Variants in PCCA observed in about 807,000 individuals in gnomAD.
PCCA encodes the protein propionyl-CoA carboxylase alpha chain, mitochondrial.
In PCCA, 74 loss-of-function variants were observed where a neutral mutation model predicts 101.3. That is an observed-to-expected ratio of 0.73 (90% confidence interval 0.61 to 0.89). PCCA has a LOEUF of 0.89. Among genes scored for constraint, PCCA ranks in the 40% least tolerant of loss-of-function variants. The probability of loss-of-function intolerance (pLI) is 0.00; values close to 1 mark genes in which losing one functional copy is unlikely to be tolerated. For synonymous variants in PCCA, 294 were observed against 313.6 expected, an observed-to-expected ratio of 0.94 and a Z score of 0.66; for missense variants, 891 against 907.0, an observed-to-expected ratio of 0.98 and a Z score of 0.23.
chr13:100,300,619 T>C, intron 12 of PCCA, among the ~76,000 whole-genome samples: 1 of 152,242 alleles, frequency 6.6e-6, no homozygotes, highest in Admixed American at 6.5e-5. Flanking sequence ...TTAGAACTTA[T>C]TCAAGGTTTT....
intron 19 of PCCA, among the ~76,000 whole-genome samples, chr13:100,416,512 CTGTGTG>C (rs143797850): frequency 2.1e-5 from 3 of 145,404 alleles, no homozygotes; most frequent in Non-Finnish European, 4.5e-5. Context: ...TTTTAAATAT[CTGTGTG>C]TGTGTGTGTG....
At chr13:100,323,937 G>C (rs994070890) in intron 16 of PCCA, among the ~76,000 whole-genome samples, 10 of 152,144 alleles carry the variant, frequency 6.6e-5, no homozygotes, top group African/African-American at 2.4e-4. Context: ...TTGACTATCT[G>C]ATTCTTTGCT....
intron 8 of PCCA, among the ~76,000 whole-genome samples, chr13:100,255,311 A>T (rs918517945): frequency 6.6e-6 from 1 of 152,132 alleles, no homozygotes; most frequent in Non-Finnish European, 1.5e-5. Flanking sequence ...TTGTTGATAA[A>T]TTGTTTTATG....
chr13:100,099,641 A>G (rs1024101300), intron 1 of PCCA, among the ~76,000 whole-genome samples: 1 of 151,276 alleles, frequency 6.6e-6, no homozygotes, highest in African/African-American at 2.4e-5. Flanking sequence ...TTAAGAAAGG[A>G]TTTTTTTCCA....
intron 11 of PCCA, among the ~76,000 whole-genome samples, chr13:100,269,300 T>C (rs2063150631): frequency 6.6e-6 from 1 of 152,106 alleles, no homozygotes; most frequent in East Asian, 1.9e-4. Flanking sequence ...GAAAAAGAAG[T>C]GGGTTTTTAT....
intron 16 of PCCA, among the ~76,000 whole-genome samples, chr13:100,321,490 C>A (rs1240544645): frequency 6.6e-6 from 1 of 151,794 alleles, no homozygotes; most frequent in Non-Finnish European, 1.5e-5. Flanking sequence ...TTATTAAAGC[C>A]CTCTGAAACA....
At chr13:100,119,068 T>C (rs991345660) in intron 4 of PCCA, among the ~76,000 whole-genome samples, 3 of 152,200 alleles carry the variant, frequency 2.0e-5, no homozygotes, top group East Asian at 1.9e-4. Context: ...TTTGCATCGA[T>C]AATGAAAATT....
intron 19 of PCCA, among the ~76,000 whole-genome samples, chr13:100,396,272 G>A (rs1167616522): frequency 1.3e-5 from 2 of 152,146 alleles, no homozygotes; most frequent in African/African-American, 4.8e-5. Flanking sequence ...GCTGGCTGTG[G>A]AATCCAGCAG....
intron 10 of PCCA, among the ~76,000 whole-genome samples, chr13:100,264,004 CGTATATATACGGTATCTGTATATCGT>C (rs2062731324): frequency 6.9e-6 from 1 of 144,922 alleles, no homozygotes; most frequent in East Asian, 2.0e-4. Flanking sequence ...ATCTGTATAT[CGTATATATACGGTATCTGTATATCGT>C]ATATATACGG....
intron 15 of PCCA, among the ~76,000 whole-genome samples, chr13:100,307,507 A>G (rs1285117754): frequency 6.6e-6 from 1 of 152,194 alleles, no homozygotes; most frequent in Non-Finnish European, 1.5e-5. Context: ...AACAATAATA[A>G]TAATAAACAT....
At chr13:100,478,163 C>A (rs959042932) in intron 21 of PCCA, among the ~76,000 whole-genome samples, 3 of 152,186 alleles carry the variant, frequency 2.0e-5, no homozygotes, top group Non-Finnish European at 4.4e-5. Flanking sequence ...ATTTATTTTT[C>A]TGTGGATTTT....
intron 6 of PCCA, among the ~76,000 whole-genome samples, chr13:100,187,490 C>T (rs940037657): frequency 2.0e-5 from 3 of 152,002 alleles, no homozygotes; most frequent in Non-Finnish European, 4.4e-5. Context: ...GTCTGGATGA[C>T]CTGCGATATC....
At chr13:100,187,411 T>C (rs1338612343) in intron 6 of PCCA, among the ~76,000 whole-genome samples, 2 of 152,126 alleles carry the variant, frequency 1.3e-5, no homozygotes. Flanking sequence ...ATATGGGAAA[T>C]AATGCTATTT....
intron 12 of PCCA, among the ~76,000 whole-genome samples, chr13:100,289,364 G>T (rs1595139106): frequency 6.6e-6 from 1 of 152,062 alleles, no homozygotes; most frequent in African/African-American, 2.4e-5. Flanking sequence ...GCCCAGGCTT[G>T]TCTAGAACTC....
In PCCA at chr13:100,417,614, C is replaced by T. The variant is rs540306530; in HGVS notation, c.1747-8019C>T. 3.3e-5 allele frequency among the ~76,000 whole-genome samples: 5 copies of T among 152,118 alleles called. No homozygotes were observed. The East Asian group carries it at 5.8e-4, about 18-fold the overall frequency. ...TGGTCTAAGATGTTATTGGTGGAGA[C>T]GGAGAGAATTTGCGGTATTTGAGAG... On this transcript the variant is annotated intron_variant, in intron 19 of 23. Transcript: ENST00000376285.
intron 19 of PCCA, among the ~76,000 whole-genome samples, chr13:100,405,015 G>C (rs1256609889): frequency 6.6e-6 from 1 of 152,102 alleles, no homozygotes; most frequent in East Asian, 1.9e-4. Flanking sequence ...TGTCTCGAGG[G>C]GAGTTGTGTG....
Position 100,368,549 on chromosome 13 carries a change from C to T in PCCA, c.1721C>T (p.Ala574Val), listed in dbSNP as rs1207246444. 1 of 1,606,862 alleles carries T rather than the reference C, an allele frequency of 6.2e-7. No individual in the cohort carries two copies. The highest frequency in any genetic ancestry group is 8.5e-7 in the Non-Finnish European group (1 of 1,173,968). The change falls in exon 19 of 24, where the codon GCA becomes GTA. Residue 574 changes from alanine (A) to valine (V), a missense_variant. Physicochemically the swap from Ala to Val is moderately conservative, Grantham distance 64. Transcript: ENST00000376285. ...CATGATAAAGTTCATACCGTAGTAG[C>T]ATCAAACAATGGGTCAGTGTTCTCG... ...KLHDKVHTVV[A>V]SNNGSVFSVE...
At chr13:100,369,865 G>A (rs1053432156) in intron 19 of PCCA, among the ~76,000 whole-genome samples, 3 of 152,038 alleles carry the variant, frequency 2.0e-5, no homozygotes, top group Non-Finnish European at 2.9e-5. Context: ...GAATTGAATA[G>A]TAAAGAGTAT....
chr13:100,251,217 A>G (rs1193192155), intron 8 of PCCA, among the ~76,000 whole-genome samples: 1 of 152,196 alleles, frequency 6.6e-6, no homozygotes, highest in Non-Finnish European at 1.5e-5. Context: ...GTTTCATACT[A>G]TCCAGCAGTT....
Sources: gnomAD v4.1 joint callset for allele counts (sites outside exome capture counted in the v4.1 genomes callset) on GRCh38, gnomAD v4.1.1 for gene constraint, MANE v1.5 for transcripts, NCBI Gene and HGNC (gene_info 2026-07-23, HGNC 2026-07-21) for gene names.